TANC2: variants seen among roughly 807,000 people sequenced by gnomAD.
TANC2 encodes the protein tetratricopeptide repeat, ankyrin repeat and coiled-coil containing 2, also known as protein TANC2.
TANC2 carries 26 observed loss-of-function variants against 210.5 expected under a neutral mutation model. That is an observed-to-expected ratio of 0.12 (90% CI 0.09 to 0.17). The LOEUF is 0.17. Ranked by LOEUF, TANC2 falls within the 10% of genes least tolerant of loss-of-function variation. The pLI is 1.00. For synonymous variants in TANC2, 931 were observed against 967.1 expected (o/e 0.96, Z 0.69); for missense variants, 2,129 against 2,608.9 (o/e 0.82, Z 4.01).
intron 5 of TANC2, among the ~76,000 whole-genome samples, chr17:63,185,116 A>AC (rs1358572726): frequency 6.6e-6 from 1 of 150,472 alleles, no homozygotes; most frequent in Non-Finnish European, 1.5e-5. Flanking sequence ...TACTTTACCC[A>AC]CCTGAGTAGC....
rs117008708 is a variant in TANC2, at chr17:63,412,307, G to T, written c.3898+177G>T. Among the ~76,000 whole-genome samples, 420 of 152,274 alleles carry T rather than the reference G, an allele frequency of 2.8e-3. No homozygotes were observed. Among genetic ancestry groups the T allele is most frequent in the Admixed American group, 5.1e-3 (78 of 15,306 alleles). ...CAGGGAAAGCGCCATCTGAGCCATG[G>T]TCTGCAGTCCCCTGTGTCCAGAACC... On this transcript the variant is annotated intron_variant, in intron 23 of 27. Transcript: ENST00000689528. The surrounding 1 kb of genome is among the most constrained non-coding windows in gnomAD (Gnocchi z 4.2).
intron 17 of TANC2, chr17:63,391,011 C>T (rs1190594507): frequency 6.6e-6 from 1 of 152,210 alleles, no homozygotes; most frequent in East Asian, 1.9e-4. Context: ...CTCACCTCTA[C>T]TTTGCCTTAG....
At chr17:63,087,502 G>T (rs2037018320) in intron 3 of TANC2, among the ~76,000 whole-genome samples, 1 of 151,974 alleles carries the variant, frequency 6.6e-6, no homozygotes, top group Admixed American at 6.6e-5. Context: ...CTGAAGTTTG[G>T]TATTTTTCTT....
chr17:63,149,198 G>GTTTTA (rs1278164483), intron 4 of TANC2: 2 of 151,996 alleles, frequency 1.3e-5, no homozygotes, highest in Non-Finnish European at 2.9e-5. Flanking sequence ...TTAGTAAGAG[G>GTTTTA]TTTTATTTTT....
chr17:63,325,263 T>C (rs910336553), intron 11 of TANC2, among the ~76,000 whole-genome samples: 55 of 152,156 alleles, frequency 3.6e-4, no homozygotes, highest in African/African-American at 1.2e-3. Context: ...CGCCATGCCC[T>C]ATCTTCCACC....
chr17:63,289,115 T>TG (rs2044309020), intron 9 of TANC2, among the ~76,000 whole-genome samples: 1 of 152,178 alleles, frequency 6.6e-6, no homozygotes, highest in Non-Finnish European at 1.5e-5. Context: ...TTTCATGATT[T>TG]GTTCTTTATC....
At chr17:63,126,754 T>A (rs1174518589) in intron 4 of TANC2, among the ~76,000 whole-genome samples, 1 of 152,180 alleles carries the variant, frequency 6.6e-6, no homozygotes, top group African/African-American at 2.4e-5. Flanking sequence ...TGTGACTCAC[T>A]GTTTTATTTA....
chr17:63,300,894 G>A (rs1030592426), intron 9 of TANC2, among the ~76,000 whole-genome samples: 1 of 152,272 alleles, frequency 6.6e-6, no homozygotes, highest in East Asian at 1.9e-4. Flanking sequence ...TGCCCATTCA[G>A]TATGATATCA....
intron 12 of TANC2, among the ~76,000 whole-genome samples, chr17:63,347,648 A>G (rs1334680614): frequency 1.3e-5 from 2 of 152,244 alleles, no homozygotes; most frequent in Non-Finnish European, 2.9e-5. Context: ...TTCCACAAGT[A>G]CAGTGATTAA....
Position 63,412,710 on chromosome 17 carries a change from G to A in TANC2, c.3928+1G>A. Reference sequence around the variant, plus strand: ...CAGACGTTACCGAGTCGCCCACGAGGTATATTTCACCGCTGTCAGCATCAG... The same window carrying A: ...CAGACGTTACCGAGTCGCCCACGAGATATATTTCACCGCTGTCAGCATCAG... On this transcript the variant is annotated splice_donor_variant, in intron 24 of 27. Coordinates refer to ENST00000689528, the Ensembl canonical transcript of TANC2. LOFTEE classifies it high-confidence loss of function. This position sits in a 1 kb window ranked among gnomAD's most constrained non-coding sequence, Gnocchi z 4.2. 2 of 1,535,720 alleles carry A rather than the reference G, an allele frequency of 1.3e-6. No individual in the cohort carries two copies. Among genetic ancestry groups the A allele is most frequent in the Non-Finnish European group, 1.7e-6 (2 of 1,146,876 alleles).
Position 63,135,334 on chromosome 17 carries a change from G to A in TANC2, c.323-15936G>A, listed in dbSNP as rs190000265. Reference sequence around the variant, plus strand: ...ATTTGTAAATATGTAAGTTAAATATGTAAAATCTATTTTGAGATATTTATT... The same window carrying A: ...ATTTGTAAATATGTAAGTTAAATATATAAAATCTATTTTGAGATATTTATT... On this transcript the variant is annotated intron_variant, in intron 4 of 27. Coordinates refer to ENST00000689528, the Ensembl canonical transcript of TANC2. 3.2e-3 allele frequency among the ~76,000 whole-genome samples: 482 copies of A among 152,288 alleles called. 1 individual carries two copies. Among genetic ancestry groups the A allele is most frequent in the African/African-American group, 0.011 (461 of 41,556 alleles).
intron 3 of TANC2, among the ~76,000 whole-genome samples, chr17:63,094,193 A>G (rs7213524): frequency 0.2 from 30,506 of 151,724 alleles, 3,198 homozygotes; most frequent in South Asian, 0.35. Flanking sequence ...TACATAGGCA[A>G]TCATGTTGTC....
At chr17:63,216,650 A>G (rs9915521) in intron 7 of TANC2, among the ~76,000 whole-genome samples, 1 of 152,182 alleles carries the variant, frequency 6.6e-6, no homozygotes. Flanking sequence ...TAGAATTCAT[A>G]TGAATCGTAG....
chr17:63,412,549 G>C lies in TANC2; in HGVS notation c.3899-131G>C. On this transcript the variant is annotated intron_variant, in intron 23 of 27. Transcript: ENST00000689528. This position sits in a 1 kb window ranked among gnomAD's most constrained non-coding sequence, Gnocchi z 4.2. ...TCCCCAAGCCCACAGACCTATAGAC[G>C]AGGGTTGGCTGATATGCTGGCTTTG... is the stretch of plus-strand genomic sequence containing the variant. 1.2e-6 allele frequency: 1 copy of C among 846,080 alleles called. No individual in the cohort carries two copies. The highest frequency in any genetic ancestry group is 2.3e-4 in the Middle Eastern group (1 of 4,428). 52.4% of individuals were successfully genotyped at this position (846,080 alleles called of 1,614,324 possible). A position where few individuals can be genotyped will look rare whatever the true frequency, so the allele number is the denominator to read the frequency against.
intron 9 of TANC2, among the ~76,000 whole-genome samples, chr17:63,304,442 A>ATGGG (rs2146514018): frequency 6.6e-6 from 1 of 152,278 alleles, no homozygotes; most frequent in South Asian, 2.1e-4. Flanking sequence ...AGCAGCAAAG[A>ATGGG]TGGGTGCTTG....
intron 19 of TANC2, among the ~76,000 whole-genome samples, chr17:63,404,446 A>G (rs1430028852): frequency 6.6e-6 from 1 of 152,160 alleles, no homozygotes; most frequent in East Asian, 1.9e-4. Context: ...CACTGTAGCT[A>G]TTTTTACCTG....
At chr17:63,085,874 T>A (rs1202392793) in intron 3 of TANC2, among the ~76,000 whole-genome samples, 1 of 152,202 alleles carries the variant, frequency 6.6e-6, no homozygotes, top group Non-Finnish European at 1.5e-5. Context: ...TAGATCAGAC[T>A]TTCTGACCTA....
chr17:63,194,892 C>CA (rs552657417), intron 6 of TANC2, among the ~76,000 whole-genome samples: 1 of 151,054 alleles, frequency 6.6e-6, no homozygotes. Flanking sequence ...TTAAATGTAG[C>CA]AAAAAAAAGT....
At position 63,412,454 on chromosome 17, in the gene TANC2, G is replaced by A. The variant is rs193268878; in HGVS notation, c.3899-226G>A. Among the ~76,000 whole-genome samples the A allele has an allele frequency of 3.0e-4, 46 of 152,238 alleles. 2 individuals carry two copies. In the South Asian group the frequency reaches 4.6e-3, roughly 15 times the overall value. ...CAGCATCCTGGATCTCTGCGCTGCC[G>A]TGAGCCTTTGCTTTCCCTTGCTCTG... On this transcript the variant is annotated intron_variant, in intron 23 of 27. Coordinates refer to ENST00000689528, the Ensembl canonical transcript of TANC2. This position sits in a 1 kb window ranked among gnomAD's most constrained non-coding sequence, Gnocchi z 4.2.
Sources: allele counts gnomAD v4.1 joint callset (sites outside exome capture counted in the v4.1 genomes callset), GRCh38; gene constraint gnomAD v4.1.1; non-coding constraint Gnocchi (gnomAD v3.1); transcripts MANE v1.5; gene names NCBI Gene and HGNC (gene_info 2026-07-23, HGNC 2026-07-21).